EPB41L2: variants seen among roughly 807,000 people sequenced by gnomAD.
EPB41L2 encodes the protein band 4.1-like protein 2.
In EPB41L2, 43 loss-of-function variants were observed where a neutral mutation model predicts 113.0. The ratio of observed to expected loss-of-function variants is 0.38; its 90% CI spans 0.30 to 0.49. EPB41L2 has a LOEUF of 0.49. EPB41L2 is among the 20% of genes least tolerant of loss of function. EPB41L2 has a pLI of 0.95. For synonymous variants in EPB41L2, 442 were observed against 436.7 expected (o/e 1.01, Z -0.15); for missense variants, 1,147 against 1,223.4 (o/e 0.94, Z 0.93).
chr6:130,839,646 C>T lies in EPB41L2; in HGVS notation c.*958G>A, dbSNP rs1180609348. 6.6e-6 allele frequency: 1 copy of T among 152,070 alleles called. No homozygotes were observed. The highest frequency in any genetic ancestry group is 1.5e-5 in the Non-Finnish European group (1 of 68,024). The allele number at this position is 152,070 out of a possible 1,614,324, so 9.4% of individuals were successfully genotyped here. On this transcript the variant is annotated 3_prime_UTR_variant, in exon 20 of 20. Coordinates refer to ENST00000337057, the MANE Select transcript of EPB41L2 (RefSeq NM_001431.4). ...TGAAAGAGATAGGCCTGCTCAATAA[C>T]AAAAGGTAAGTTTTACATGTGTAGA...
intron 4 of EPB41L2, among the ~76,000 whole-genome samples, chr6:130,921,812 AG>A (rs770569258): frequency 4.1e-4 from 63 of 152,336 alleles, no homozygotes; most frequent in Admixed American, 1.4e-3. Context: ...TATTTAGGAC[AG>A]GGTATATTAA....
chr6:130,869,393 G>A (rs1422696226), intron 15 of EPB41L2, among the ~76,000 whole-genome samples, 170 bp downstream of exon 15: 3 of 152,140 alleles, frequency 2.0e-5, no homozygotes, highest in Non-Finnish European at 4.4e-5. Context: ...CATGAACTGG[G>A]CGGGCAGAAA....
intron 14 of EPB41L2, 104 bp downstream of exon 14, chr6:130,878,000 T>TG: frequency 8.6e-7 from 1 of 1,157,784 alleles, no homozygotes; most frequent in Non-Finnish European, 1.2e-6. Flanking sequence ...AATAATTAAA[T>TG]GGGAACATTT....
rs189728216 is a variant in EPB41L2 at position 130,871,913 on chromosome 6, T to C, written c.2044-1787A>G. On this transcript the variant is annotated intron_variant, in intron 14 of 19. Transcript: ENST00000337057. ...TAACCTCAATTAGCTGGATAGGTTC[T>C]GCCCAAGTTCAGGGAATTCCTTAGG... 5.3e-5 allele frequency among the ~76,000 whole-genome samples: 8 copies of C among 152,344 alleles called. No homozygotes were observed. The East Asian group carries it at 1.2e-3, about 22-fold the overall frequency.
chr6:130,951,137 A>G (rs1167733940), intron 3 of EPB41L2, among the ~76,000 whole-genome samples: 4 of 151,456 alleles, frequency 2.6e-5, no homozygotes, highest in Non-Finnish European at 5.9e-5. Flanking sequence ...TGCATCTGTA[A>G]TCCCAGCTAC....
intron 4 of EPB41L2, among the ~76,000 whole-genome samples, chr6:130,922,698 T>A (rs753973804): frequency 6.6e-6 from 1 of 152,162 alleles, no homozygotes; most frequent in Non-Finnish European, 1.5e-5. Flanking sequence ...CTAGTGAGAA[T>A]ACCAGAATGA....
At chr6:130,902,567 C>A (rs1796598097) in intron 6 of EPB41L2, among the ~76,000 whole-genome samples, 1 of 152,102 alleles carries the variant, frequency 6.6e-6, no homozygotes, top group African/African-American at 2.4e-5. Flanking sequence ...TTCCTTGACC[C>A]GTAGAAAAAC....
At chr6:131,040,123 C>T (rs76158537) in intron 1 of EPB41L2, among the ~76,000 whole-genome samples, 2,464 of 152,270 alleles carry the variant, frequency 0.016, 66 homozygotes, top group African/African-American at 0.056. Flanking sequence ...TTTACCCCTA[C>T]TAAACTATAT....
At chr6:131,033,133 C>G in intron 1 of EPB41L2, among the ~76,000 whole-genome samples, 1 of 152,110 alleles carries the variant, frequency 6.6e-6, no homozygotes, top group East Asian at 1.9e-4. Flanking sequence ...CTCGGCCTCC[C>G]AAAGTGCTAG....
chr6:130,967,837 C>G (rs888011055), intron 1 of EPB41L2, among the ~76,000 whole-genome samples: 1 of 152,184 alleles, frequency 6.6e-6, no homozygotes, highest in Admixed American at 6.5e-5. Flanking sequence ...TGATAAATAT[C>G]TTTTGTGATG....
chr6:130,898,929 T>A (rs901492430), intron 8 of EPB41L2, among the ~76,000 whole-genome samples: 13 of 152,146 alleles, frequency 8.5e-5, no homozygotes, highest in African/African-American at 3.1e-4. Context: ...TGTCCCACTC[T>A]TTTACCATCT....
At chr6:131,053,455 A>G (rs1026686750) in intron 1 of EPB41L2, among the ~76,000 whole-genome samples, 9 of 150,754 alleles carry the variant, frequency 6.0e-5, no homozygotes, top group African/African-American at 1.9e-4. Context: ...AAAAAAAAAA[A>G]AAAAGAAACT....
At chr6:130,860,186 A>C (rs899545255) in intron 18 of EPB41L2, among the ~76,000 whole-genome samples, 20 of 152,246 alleles carry the variant, frequency 1.3e-4, no homozygotes, top group Non-Finnish European at 2.9e-4. Context: ...AGACAAGGAC[A>C]AGCTCTGATG....
intron 1 of EPB41L2, among the ~76,000 whole-genome samples, chr6:131,043,260 C>T (rs1794786326): frequency 6.6e-6 from 1 of 151,768 alleles, no homozygotes. Context: ...AAAATCTCGC[C>T]GCTGCACTCC....
chr6:130,998,380 G>A (rs886442862), intron 1 of EPB41L2, among the ~76,000 whole-genome samples: 1 of 152,156 alleles, frequency 6.6e-6, no homozygotes, highest in Non-Finnish European at 1.5e-5. Context: ...TGGGGGTGTA[G>A]GGGAAATTGG....
intron 1 of EPB41L2, among the ~76,000 whole-genome samples, chr6:131,051,370 C>G (rs1796489491): frequency 6.7e-6 from 1 of 148,650 alleles, no homozygotes; most frequent in Non-Finnish European, 1.5e-5. Context: ...TTAACATGAG[C>G]TAATTTCTGT....
intron 1 of EPB41L2, among the ~76,000 whole-genome samples, chr6:131,005,190 T>A (rs7767569): frequency 6.6e-6 from 1 of 151,848 alleles, no homozygotes; most frequent in African/African-American, 2.4e-5. Context: ...TTTTTTTTTT[T>A]TTTAACCTTC....
At chr6:130,935,498 A>G (rs1435341279) in intron 3 of EPB41L2, among the ~76,000 whole-genome samples, 1 of 152,198 alleles carries the variant, frequency 6.6e-6, no homozygotes, top group East Asian at 1.9e-4. Context: ...AGCTTAAACA[A>G]GATGCAAAAA....
chr6:130,906,704 T>TA (rs1027609377), intron 5 of EPB41L2, among the ~76,000 whole-genome samples: 1 of 152,200 alleles, frequency 6.6e-6, no homozygotes, highest in Non-Finnish European at 1.5e-5. Context: ...AAAAGATTAA[T>TA]ATTTATCTTC....
Sources: allele counts gnomAD v4.1 joint callset (sites outside exome capture counted in the v4.1 genomes callset), GRCh38; gene constraint gnomAD v4.1.1; transcripts MANE v1.5; gene names NCBI Gene and HGNC (gene_info 2026-07-23, HGNC 2026-07-21).